RAP1GAP2: variants seen among roughly 807,000 people sequenced by gnomAD.
The protein encoded by RAP1GAP2 is rap1 GTPase-activating protein 2.
Under a neutral mutation model 95.0 loss-of-function variants are expected in RAP1GAP2, and 27 were observed. The ratio of observed to expected loss-of-function variants is 0.28; its 90% CI spans 0.21 to 0.39. RAP1GAP2 has a LOEUF of 0.39. Ranked by LOEUF, RAP1GAP2 falls within the 10% of genes least tolerant of loss-of-function variation. The pLI, the probability that RAP1GAP2 is intolerant of heterozygous loss-of-function variation, is 1.00. For synonymous variants in RAP1GAP2, 373 were observed against 380.9 expected, an observed-to-expected ratio of 0.98 and a Z score of 0.24; for missense variants, 771 against 970.0, an observed-to-expected ratio of 0.79 and a Z score of 2.72.
At chr17:2,840,331 T>G (rs1165039054) in intron 2 of RAP1GAP2, among the ~76,000 whole-genome samples, 1 of 151,654 alleles carries the variant, frequency 6.6e-6, no homozygotes, top group African/African-American at 2.4e-5. Flanking sequence ...ACCCAGCTAA[T>G]TTTTGTATTT....
chr17:2,831,398 A>G (rs2070847306), intron 2 of RAP1GAP2, among the ~76,000 whole-genome samples: 1 of 151,634 alleles, frequency 6.6e-6, no homozygotes, highest in Non-Finnish European at 1.5e-5. Flanking sequence ...TTTCTTAAAT[A>G]AAAGGTAATA....
At chr17:2,925,277 A>C (rs2042914797) in intron 3 of RAP1GAP2, among the ~76,000 whole-genome samples, 1 of 152,230 alleles carries the variant, frequency 6.6e-6, no homozygotes, top group Non-Finnish European at 1.5e-5. Flanking sequence ...GTAAAGAAAT[A>C]CTTCATCGCA....
At chr17:2,831,327 C>G (rs1274188374) in intron 2 of RAP1GAP2, among the ~76,000 whole-genome samples, 2 of 150,830 alleles carry the variant, frequency 1.3e-5, no homozygotes, top group Non-Finnish European at 3.0e-5. Context: ...TCTGCCTGCT[C>G]CAGCCTCCCA....
At chr17:3,018,244 C>G (rs747231492) in intron 18 of RAP1GAP2, 46 bp downstream of exon 18, 2 of 1,430,506 alleles carry the variant, frequency 1.4e-6, no homozygotes, top group African/African-American at 1.4e-5. Context: ...CCCAGGGAGG[C>G]CCCCCCCAGA....
At chr17:2,858,099 C>CA (rs1205863737) in intron 2 of RAP1GAP2, among the ~76,000 whole-genome samples, 1 of 151,468 alleles carries the variant, frequency 6.6e-6, no homozygotes, top group Admixed American at 6.6e-5. Flanking sequence ...GACTCTGTCT[C>CA]AAAAAAAAGG....
At chr17:2,934,066 G>A (rs554729982) in intron 3 of RAP1GAP2, among the ~76,000 whole-genome samples, 3 of 152,378 alleles carry the variant, frequency 2.0e-5, no homozygotes, top group East Asian at 3.9e-4. Context: ...CACGGATGGC[G>A]TCCGTCATCC....
rs367849340 is a variant in RAP1GAP2 at position 2,985,019 on chromosome 17, G to A, written c.766G>A (p.Val256Ile). ...GATTGTGTCCTATGATGAGCATGAAGTCAACAACACATTCAAATTCGGAGT... is the reference window on the plus strand; with the variant it reads ...GATTGTGTCCTATGATGAGCATGAAATCAACAACACATTCAAATTCGGAGT... ...QMIVSYDEHE[V>I]NNTFKFGVIY... Residue 256 changes from valine (V) to isoleucine (I), a missense_variant, in exon 11 of 25, where the codon GTC becomes ATC. Val to Ile is a conservative substitution (Grantham distance 29). Coordinates refer to ENST00000254695, the MANE Select transcript of RAP1GAP2 (RefSeq NM_015085.5). 5 of 1,613,600 alleles carry A rather than the reference G, an allele frequency of 3.1e-6. No individual in the cohort carries two copies. The highest frequency in any genetic ancestry group is 1.7e-5 in the Admixed American group (1 of 59,958).
Position 2,817,824 on chromosome 17 carries a change from A to G in RAP1GAP2, c.80+17274A>G, listed in dbSNP as rs1387377344. Among the ~76,000 whole-genome samples the G allele has an allele frequency of 9.4e-5, 11 of 117,584 alleles. 2 individuals carry two copies. Among genetic ancestry groups the G allele is most frequent in the African/African-American group, 2.8e-4 (10 of 35,466 alleles). 77.1% of individuals were successfully genotyped at this position (117,584 alleles called of 152,430 possible). On this transcript the variant is annotated intron_variant, in intron 2 of 24. Transcript: ENST00000254695. ...GCATGAGCCACTGCGTCTGGCCTCT[A>G]TGTTTAATTGTTTTTGTTTTGTTTT...
chr17:2,818,891 G>T (rs987502607), intron 2 of RAP1GAP2, among the ~76,000 whole-genome samples: 1 of 152,068 alleles, frequency 6.6e-6, no homozygotes, highest in Non-Finnish European at 1.5e-5. Context: ...CTACTGCAAG[G>T]GTTGTTTTGG....
At chr17:2,980,259 A>T (rs759740853) in intron 8 of RAP1GAP2, 28 bp from the exon 9 acceptor site, 58 of 1,610,712 alleles carry the variant, frequency 3.6e-5, no homozygotes, top group Non-Finnish European at 4.8e-5. Context: ...TTTCTTAGGG[A>T]TGTCCTTTTT....
chr17:2,901,932 G>A (rs546252523), intron 2 of RAP1GAP2, among the ~76,000 whole-genome samples: 1 of 152,246 alleles, frequency 6.6e-6, no homozygotes, highest in African/African-American at 2.4e-5. Flanking sequence ...CCTGGGGCCT[G>A]GGCACTGCAT....
chr17:2,991,942 T>C (rs2045770861), intron 12 of RAP1GAP2, among the ~76,000 whole-genome samples: 3 of 151,702 alleles, frequency 2.0e-5, no homozygotes, highest in Admixed American at 2.0e-4. Flanking sequence ...GGTTTTTGTA[T>C]TTGAGTAGAG....
At chr17:2,765,919 A>G (rs957822551) in intron 1 of RAP1GAP2, among the ~76,000 whole-genome samples, 2 of 152,060 alleles carry the variant, frequency 1.3e-5, no homozygotes, top group Non-Finnish European at 2.9e-5. Context: ...CAGTGAGCCA[A>G]GATTGCACCA....
Position 2,767,879 on chromosome 17 carries a change from C to G in RAP1GAP2, c.51-2450C>G, listed in dbSNP as rs143491576. Reference sequence around the variant, plus strand: ...TCCCGAGTAGCTGGGATTACAGGTACCTGCCACCACGCCCAGCTAATTTCT... The same window carrying G: ...TCCCGAGTAGCTGGGATTACAGGTAGCTGCCACCACGCCCAGCTAATTTCT... On this transcript the variant is annotated intron_variant, in intron 1 of 25. Coordinates refer to the RAP1GAP2 transcript ENST00000637138. Among the ~76,000 whole-genome samples, 761 of 152,026 alleles carry G rather than the reference C, an allele frequency of 5.0e-3. 2 individuals carry two copies. The highest frequency in any genetic ancestry group is 0.017 in the African/African-American group (704 of 41,452).
chr17:2,868,929 C>T (rs116180316), intron 2 of RAP1GAP2, among the ~76,000 whole-genome samples: 2,226 of 152,284 alleles, frequency 0.015, 43 homozygotes, highest in African/African-American at 0.05. Flanking sequence ...CTTCTGGAAG[C>T]TGGAAAGTCC....
chr17:2,845,003 T>C (rs2071525043), intron 2 of RAP1GAP2, among the ~76,000 whole-genome samples: 1 of 151,900 alleles, frequency 6.6e-6, no homozygotes, highest in Admixed American at 6.6e-5. Flanking sequence ...CCCCAGGAGG[T>C]TGAATGAAAG....
At chr17:2,940,958 ACCG>A (rs2043471404) in intron 3 of RAP1GAP2, among the ~76,000 whole-genome samples, 1 of 152,128 alleles carries the variant, frequency 6.6e-6, no homozygotes. Context: ...CTCAGGCTGC[ACCG>A]CCATGGGCTC....
At chr17:2,780,029 G>A (rs1292716915) in intron 1 of RAP1GAP2, among the ~76,000 whole-genome samples, 2 of 152,068 alleles carry the variant, frequency 1.3e-5, no homozygotes, top group African/African-American at 2.4e-5. Context: ...TTCGTAGTTC[G>A]TGGTACAGCA....
intron 2 of RAP1GAP2, among the ~76,000 whole-genome samples, chr17:2,836,460 C>T (rs1216019552): frequency 1.3e-5 from 2 of 151,790 alleles, no homozygotes; most frequent in African/African-American, 4.8e-5. Flanking sequence ...GGTGAGACCC[C>T]ATCTCTCTTA....
Sources: allele counts gnomAD v4.1 joint callset (sites outside exome capture counted in the v4.1 genomes callset), GRCh38; gene constraint gnomAD v4.1.1; transcripts MANE v1.5; gene names NCBI Gene and HGNC (gene_info 2026-07-23, HGNC 2026-07-21).